ATP8B4: variants seen among roughly 807,000 people sequenced by gnomAD.
ATP8B4 encodes probable phospholipid-transporting ATPase IM.
ATP8B4 carries 133 observed loss-of-function variants against 145.6 expected under a neutral mutation model. That is an observed-to-expected ratio of 0.91 (90% CI 0.79 to 1.05). ATP8B4 has a LOEUF of 1.05. ATP8B4 is among the 50% of genes least tolerant of loss of function. ATP8B4 has a pLI of 0.00. For missense variants in ATP8B4, 1,458 were observed against 1,425.2 expected (o/e 1.02, Z -0.37); for synonymous variants, 507 against 492.9 (o/e 1.03, Z -0.38).
intron 13 of ATP8B4, among the ~76,000 whole-genome samples, chr15:49,969,388 A>G (rs1469110842): frequency 6.6e-6 from 1 of 152,108 alleles, no homozygotes; most frequent in East Asian, 1.9e-4. Flanking sequence ...CCAGAATAAT[A>G]AAGAAGGAAA....
At chr15:49,914,541 T>C (rs1407745551) in intron 20 of ATP8B4, among the ~76,000 whole-genome samples, 1 of 152,152 alleles carries the variant, frequency 6.6e-6, no homozygotes, top group East Asian at 1.9e-4. Flanking sequence ...GAAGAGACAG[T>C]CTGTTGAAAG....
chr15:49,958,205 C>T (rs906345638), intron 14 of ATP8B4, among the ~76,000 whole-genome samples: 1 of 151,104 alleles, frequency 6.6e-6, no homozygotes, highest in Non-Finnish European at 1.5e-5. Context: ...ATAAAATAAT[C>T]ATATAAAAAT....
rs1193704344 is a variant in ATP8B4, at chr15:50,119,165, C to CA, written c.-86dup. 1 of 152,244 alleles carries CA rather than the reference C, an allele frequency of 6.6e-6. No homozygotes were observed. Among genetic ancestry groups the CA allele is most frequent in the Non-Finnish European group, 1.5e-5 (1 of 68,088 alleles). The allele number at this position is 152,244 out of a possible 1,614,324, so 9.4% of individuals were successfully genotyped here. A position where few individuals can be genotyped will look rare whatever the true frequency, so the allele number is the denominator to read the frequency against. Reference sequence around the variant, plus strand: ...CCTCTCCCCCAAAAGGAAGATTTCTCAGCAGTGCAGGAAGATCAAACAGGT... The same window carrying CA: ...CCTCTCCCCCAAAAGGAAGATTTCTCAAGCAGTGCAGGAAGATCAAACAGGT... On this transcript the variant is annotated 5_prime_UTR_variant, in exon 1 of 28. It removes the in-frame stop codon of an upstream open reading frame in the 5' UTR. Coordinates refer to ENST00000284509, the MANE Select transcript of ATP8B4 (RefSeq NM_024837.4).
At chr15:50,109,640 GA>G (rs58221041) in intron 1 of ATP8B4, among the ~76,000 whole-genome samples, 15,477 of 150,600 alleles carry the variant, frequency 0.1, 790 homozygotes, top group Middle Eastern at 0.15. Flanking sequence ...CAAGCAAGAT[GA>G]AAAAAAAGGG....
At chr15:50,150,689 C>T (rs1484667177) in intron 1 of ATP8B4, among the ~76,000 whole-genome samples, 1 of 152,314 alleles carries the variant, frequency 6.6e-6, no homozygotes, top group South Asian at 2.1e-4. Flanking sequence ...GCTATCATCC[C>T]CAAGTTCTAG....
chr15:50,160,128 G>C, intron 1 of ATP8B4, among the ~76,000 whole-genome samples: 1 of 146,454 alleles, frequency 6.8e-6, no homozygotes, highest in East Asian at 2.1e-4. Context: ...ATCTTGGTAG[G>C]TTGTATATGT....
intron 23 of ATP8B4, among the ~76,000 whole-genome samples, chr15:49,888,264 G>A (rs889342060): frequency 1.3e-5 from 2 of 152,118 alleles, no homozygotes; most frequent in Non-Finnish European, 2.9e-5. Context: ...AGGTGGAGAC[G>A]GGCTCACAGG....
intron 27 of ATP8B4, among the ~76,000 whole-genome samples, chr15:49,861,406 G>A (rs1323556360): frequency 1.6e-5 from 2 of 126,050 alleles, no homozygotes; most frequent in African/African-American, 6.3e-5. Flanking sequence ...AAAAAAATGT[G>A]TGTGTGTGTG....
chr15:49,939,895 C>T (rs1216060834), intron 14 of ATP8B4, among the ~76,000 whole-genome samples: 2 of 152,104 alleles, frequency 1.3e-5, no homozygotes, highest in Non-Finnish European at 2.9e-5. Flanking sequence ...AAGCCAAAAA[C>T]AACAGATGCT....
intron 27 of ATP8B4, among the ~76,000 whole-genome samples, chr15:49,860,699 T>C (rs2153367683): frequency 6.6e-6 from 1 of 152,258 alleles, no homozygotes; most frequent in South Asian, 2.1e-4. Flanking sequence ...AATTAAGAAA[T>C]ATCAGACAAA....
chr15:49,889,559 T>C (rs2036573925), intron 23 of ATP8B4, among the ~76,000 whole-genome samples: 1 of 152,152 alleles, frequency 6.6e-6, no homozygotes, highest in Non-Finnish European at 1.5e-5. Flanking sequence ...ATCACAGATG[T>C]CCTAAGTGCC....
chr15:50,118,637 C>A (rs1234235673), intron 1 of ATP8B4, among the ~76,000 whole-genome samples: 2 of 152,116 alleles, frequency 1.3e-5, no homozygotes, highest in Non-Finnish European at 2.9e-5. Flanking sequence ...TTTTTCTGTT[C>A]AGACAAATTT....
chr15:50,012,735 G>A (rs751306059), intron 6 of ATP8B4, among the ~76,000 whole-genome samples: 9 of 152,124 alleles, frequency 5.9e-5, no homozygotes, highest in Non-Finnish European at 1.2e-4. Flanking sequence ...CTCTACAAAT[G>A]TAACTAGAGT....
At chr15:50,029,754 A>T (rs2153590610) in intron 6 of ATP8B4, among the ~76,000 whole-genome samples, 1 of 152,338 alleles carries the variant, frequency 6.6e-6, no homozygotes, top group East Asian at 1.9e-4. Context: ...AAGGAGAGGG[A>T]ATCATAAAAT....
chr15:50,077,206 T>C (rs1224405296), intron 2 of ATP8B4, among the ~76,000 whole-genome samples: 1 of 152,256 alleles, frequency 6.6e-6, no homozygotes, highest in Non-Finnish European at 1.5e-5. Context: ...TATAAGGATG[T>C]ATAAAATATA....
intron 26 of ATP8B4, among the ~76,000 whole-genome samples, chr15:49,865,594 C>T (rs990969419): frequency 2.0e-5 from 3 of 152,164 alleles, no homozygotes; most frequent in Non-Finnish European, 4.4e-5. Flanking sequence ...GAGATATTGC[C>T]GGAATTGAAT....
At chr15:49,894,655 G>T (rs918290148) in intron 23 of ATP8B4, among the ~76,000 whole-genome samples, 1 of 152,084 alleles carries the variant, frequency 6.6e-6, no homozygotes, top group African/African-American at 2.4e-5. Context: ...TTCCATAACC[G>T]CATTTAGATC....
At chr15:49,959,853 C>G (rs1234263723) in intron 14 of ATP8B4, among the ~76,000 whole-genome samples, 3 of 151,972 alleles carry the variant, frequency 2.0e-5, no homozygotes, top group Non-Finnish European at 4.4e-5. Context: ...GATTCAACAT[C>G]ATAAGGATAT....
At chr15:50,110,669 A>G (rs1317859458) in intron 1 of ATP8B4, among the ~76,000 whole-genome samples, 1 of 152,216 alleles carries the variant, frequency 6.6e-6, no homozygotes, top group Non-Finnish European at 1.5e-5. Context: ...CTCAAAGTAG[A>G]GGAAATGGAA....
Sources: gnomAD v4.1 joint callset for allele counts (sites outside exome capture counted in the v4.1 genomes callset) on GRCh38, gnomAD v4.1.1 for gene constraint, MANE v1.5 for transcripts, NCBI Gene and HGNC (gene_info 2026-07-23, HGNC 2026-07-21) for gene names.